TMTC3: variants seen among roughly 807,000 people sequenced by gnomAD.
TMTC3 encodes the protein transmembrane O-mannosyltransferase targeting cadherins 3.
TMTC3 carries 52 observed loss-of-function variants against 92.2 expected under a neutral mutation model. The observed-to-expected ratio is 0.56, with a 90% CI of 0.45 to 0.71. TMTC3 has a LOEUF of 0.71. Among genes scored for constraint, TMTC3 ranks in the 30% least tolerant of loss-of-function variants. The probability of loss-of-function intolerance (pLI) is 0.00; values close to 1 mark genes in which losing one functional copy is unlikely to be tolerated. For missense variants in TMTC3, 896 were observed against 1,057.1 expected, an observed-to-expected ratio of 0.85 and a Z score of 2.11; for synonymous variants, 339 against 363.3, an observed-to-expected ratio of 0.93 and a Z score of 0.76.
At position 88,198,545 on chromosome 12, in the gene TMTC3, G is replaced by A; in HGVS notation, c.*2896G>A. The A allele has an allele frequency of 5.1e-6, 2 of 395,948 alleles. No homozygotes were observed. 24.5% of individuals were successfully genotyped at this position (395,948 alleles called of 1,614,324 possible). A position where few individuals can be genotyped will look rare whatever the true frequency, so the allele number is the denominator to read the frequency against. On this transcript the variant is annotated 3_prime_UTR_variant, in exon 14 of 14. Transcript: ENST00000266712. ...TTGGGAATATTAATTTTTCCAGTGA[G>A]TAGTTTTCTGAAATTGGTAACTTGG...
chr12:88,157,682 G>A (rs1297078292), intron 4 of TMTC3, among the ~76,000 whole-genome samples: 5 of 152,108 alleles, frequency 3.3e-5, no homozygotes, highest in Admixed American at 6.5e-5. Context: ...TGCTGAAGAT[G>A]TGTTTCTTTT....
At chr12:88,152,526 A>C (rs1220146759) in intron 2 of TMTC3, among the ~76,000 whole-genome samples, 1 of 152,200 alleles carries the variant, frequency 6.6e-6, no homozygotes, top group Non-Finnish European at 1.5e-5. Flanking sequence ...TACAAAAAAT[A>C]ACTTTATTAA....
At chr12:88,144,963 A>G (rs1270880471) in intron 1 of TMTC3, among the ~76,000 whole-genome samples, 2 of 152,202 alleles carry the variant, frequency 1.3e-5, no homozygotes, top group African/African-American at 4.8e-5. Flanking sequence ...TGGCCTTGTT[A>G]TAAGAACACT....
At position 88,148,520 on chromosome 12, in the gene TMTC3, CATATTACTTGTACATGT is replaced by C; in HGVS notation, c.189+17_189+33del. The C allele has an allele frequency of 6.5e-7, 1 of 1,539,162 alleles. No individual in the cohort carries two copies. Among genetic ancestry groups the C allele is most frequent in the Non-Finnish European group, 8.9e-7 (1 of 1,129,772 alleles). On this transcript the variant is annotated intron_variant, in intron 2 of 13. Coordinates refer to ENST00000266712, the MANE Select transcript of TMTC3 (RefSeq NM_181783.4). ...TATGTCTGAGGTAAGTAATTACTTA[CATATTACTTGTACATGT>C]CTCAGATTTTGAAATATTCTGGTAT...
At chr12:88,192,874 A>T (rs753992637) in intron 13 of TMTC3, 44 bp downstream of exon 13, 5 of 1,485,536 alleles carry the variant, frequency 3.4e-6, no homozygotes, top group South Asian at 1.3e-5. Flanking sequence ...ATTGTAGTTT[A>T]TAATATAATA....
At chr12:88,190,098 G>A (rs2041425400) in intron 11 of TMTC3, among the ~76,000 whole-genome samples, 1 of 151,942 alleles carries the variant, frequency 6.6e-6, no homozygotes, top group Non-Finnish European at 1.5e-5. Flanking sequence ...TAATAAAAAT[G>A]TAAAAGAAAA....
At position 88,188,874 on chromosome 12, in the gene TMTC3, A is replaced by T; in HGVS notation, c.1464A>T (p.Arg488Ser). The change falls in exon 11 of 14, where the codon AGA (arginine) becomes AGT (serine). Residue 488 changes from arginine (R) to serine (S), a missense_variant. Arg to Ser is a moderately radical substitution (Grantham distance 110). Coordinates refer to ENST00000266712, the MANE Select transcript of TMTC3 (RefSeq NM_181783.4). ...TTGGTGCCCATATGAATGTAGGAAG[A>T]ACTTATAAAAATTTAAATAGAACCA... ...DDIGAHMNVGRTYKNLNRTKE... is the reference protein window; with the variant it reads ...DDIGAHMNVGSTYKNLNRTKE... 6.3e-7 allele frequency: 1 copy of T among 1,593,104 alleles called. No individual in the cohort carries two copies. Among genetic ancestry groups the T allele is most frequent in the Non-Finnish European group, 8.5e-7 (1 of 1,170,288 alleles).
chr12:88,171,334 G>A (rs2041202358), intron 7 of TMTC3, among the ~76,000 whole-genome samples: 2 of 152,118 alleles, frequency 1.3e-5, no homozygotes, highest in Admixed American at 1.3e-4. Context: ...CCTAACTGAA[G>A]TTTTATGCCT....
intron 1 of TMTC3, among the ~76,000 whole-genome samples, chr12:88,143,578 A>C (rs2040819901): frequency 2.0e-5 from 3 of 152,342 alleles, no homozygotes; most frequent in African/African-American, 4.8e-5. Flanking sequence ...ACATTCTGGG[A>C]AACCAATATT....
chr12:88,146,782 A>G (rs888244120), intron 1 of TMTC3, among the ~76,000 whole-genome samples: 6 of 150,900 alleles, frequency 4.0e-5, no homozygotes, highest in Admixed American at 2.6e-4. Flanking sequence ...ACTTGAAACT[A>G]TAGCAAATCC....
intron 13 of TMTC3, among the ~76,000 whole-genome samples, chr12:88,193,878 A>T (rs1371511029): frequency 2.0e-5 from 3 of 152,118 alleles, no homozygotes; most frequent in Non-Finnish European, 4.4e-5. Context: ...GTAGAACTTG[A>T]ACTTTTTTGT....
chr12:88,148,359 T>A lies in TMTC3; in HGVS notation c.44T>A (p.Val15Glu). Reference sequence around the variant, plus strand: ...AAAGAAATAACCTTAATAGTAGGTGTGGTTACTGCCTGCTATTGGAACAGC... The same window carrying A: ...AAAGAAATAACCTTAATAGTAGGTGAGGTTACTGCCTGCTATTGGAACAGC... ...NLKEITLIVGVVTACYWNSLF... is the reference protein window; with the variant it reads ...NLKEITLIVGEVTACYWNSLF... The change falls in exon 2 of 14, where the codon GTG becomes GAG. Residue 15 changes from valine to glutamate, a missense_variant. By Grantham distance (121) the Val-to-Glu change is moderately radical. Coordinates refer to ENST00000266712, the MANE Select transcript of TMTC3 (RefSeq NM_181783.4). 6.2e-7 allele frequency: 1 copy of A among 1,613,552 alleles called. No homozygotes were observed. Among genetic ancestry groups the A allele is most frequent in the Non-Finnish European group, 8.5e-7 (1 of 1,179,672 alleles).
intron 1 of TMTC3, among the ~76,000 whole-genome samples, chr12:88,145,670 A>C (rs536594123): frequency 3.5e-4 from 53 of 152,180 alleles, no homozygotes; most frequent in Non-Finnish European, 7.1e-4. Context: ...ATGTGTTGCA[A>C]GAGAAAAAGA....
chr12:88,174,067 A>G (rs1001491838), intron 8 of TMTC3, among the ~76,000 whole-genome samples: 1 of 152,158 alleles, frequency 6.6e-6, no homozygotes, highest in Non-Finnish European at 1.5e-5. Context: ...TGAGCCCTCA[A>G]ATAATTAACC....
rs200874750 is a variant in TMTC3, at chr12:88,192,808, T to G, written c.1911T>G (p.Ser637=). 2 of 1,610,730 alleles carry G rather than the reference T, an allele frequency of 1.2e-6. No individual in the cohort carries two copies. The highest frequency in any genetic ancestry group is 4.5e-5 in the East Asian group (2 of 44,676). Residue 637 remains serine, a synonymous_variant, in exon 13 of 14, where the codon TCT becomes TCG. Coordinates refer to ENST00000266712, the MANE Select transcript of TMTC3 (RefSeq NM_181783.4). ...NPKHKLALFN[S]AIVMQESGEV... is the part of the protein sequence containing the mutation. ...AGCATAAACTAGCATTATTCAACTCTGCTATAGTAATGCAAGAATCAGGTA... is the reference window on the plus strand; with the variant it reads ...AGCATAAACTAGCATTATTCAACTCGGCTATAGTAATGCAAGAATCAGGTA...
At chr12:88,186,332 A>G (rs1028830133) in intron 10 of TMTC3, among the ~76,000 whole-genome samples, 22 of 152,312 alleles carry the variant, frequency 1.4e-4, no homozygotes, top group Middle Eastern at 6.8e-3. Context: ...GTAAGTTGAT[A>G]ACCTTTAGCA....
intron 10 of TMTC3, among the ~76,000 whole-genome samples, chr12:88,187,876 C>T (rs1430506862): frequency 1.3e-5 from 2 of 152,062 alleles, no homozygotes; most frequent in Non-Finnish European, 2.9e-5. Flanking sequence ...GATCTTCTAC[C>T]TTCCTTCTAT....
At chr12:88,186,007 A>T (rs1262731903) in intron 10 of TMTC3, among the ~76,000 whole-genome samples, 1 of 152,128 alleles carries the variant, frequency 6.6e-6, no homozygotes, top group Non-Finnish European at 1.5e-5. Context: ...GATATTTATA[A>T]ATTTATTTTT....
At chr12:88,159,556 G>A (rs1269541127) in intron 4 of TMTC3, among the ~76,000 whole-genome samples, 1 of 151,786 alleles carries the variant, frequency 6.6e-6, no homozygotes, top group Admixed American at 6.6e-5. Context: ...CTATTTGGGA[G>A]GCTGAGGCAG....
Sources: gnomAD v4.1 joint callset for allele counts (sites outside exome capture counted in the v4.1 genomes callset) on GRCh38, gnomAD v4.1.1 for gene constraint, MANE v1.5 for transcripts, NCBI Gene and HGNC (gene_info 2026-07-23, HGNC 2026-07-21) for gene names.